The following RNASET2 variants were observed in gnomAD, a reference collection of about 807,000 sequenced individuals.
The protein encoded by RNASET2 is ribonuclease T2, also known as ribonuclease 6.
In RNASET2, 28 loss-of-function variants were observed where a neutral mutation model predicts 33.9. That is an observed-to-expected ratio of 0.83 (90% confidence interval 0.61 to 1.13). RNASET2 has a LOEUF of 1.13. RNASET2 is among the 50% of genes most tolerant of loss of function. The probability of loss-of-function intolerance (pLI) is 0.00; values close to 1 mark genes in which losing one functional copy is unlikely to be tolerated. For synonymous variants in RNASET2, 123 were observed against 121.0 expected, an observed-to-expected ratio of 1.02 and a Z score of -0.11; for missense variants, 330 against 319.9, an observed-to-expected ratio of 1.03 and a Z score of -0.24.
intron 1 of RNASET2, among the ~76,000 whole-genome samples, chr6:166,955,223 GCACACA>G (rs1248839726): frequency 1.3e-4 from 5 of 38,776 alleles, no homozygotes; most frequent in African/African-American, 5.8e-4. Context: ...GCACACACGC[GCACACA>G]CGCACGCACG....
At chr6:166,944,855 C>A (rs899501032) in intron 4 of RNASET2, among the ~76,000 whole-genome samples, 5 of 152,066 alleles carry the variant, frequency 3.3e-5, no homozygotes, top group African/African-American at 1.2e-4. Context: ...AGCACTGTCC[C>A]CTCTGCCCAC....
chr6:166,949,233 G>C (rs1778923407), intron 2 of RNASET2, among the ~76,000 whole-genome samples: 1 of 139,298 alleles, frequency 7.2e-6, no homozygotes, highest in East Asian at 2.1e-4. Context: ...GCTGGGCACA[G>C]TGGCTCACGC....
At position 166,943,072 on chromosome 6, in the gene RNASET2, C is replaced by T; in HGVS notation, c.279G>A (p.Met93Ile). The change falls in exon 5 of 9, where the codon ATG becomes ATA. Residue 93 changes from methionine to isoleucine, a missense_variant. Physicochemically the swap from Met to Ile is conservative, Grantham distance 10. Transcript: ENST00000508775. Reference protein sequence around the residue: ...LEEIKDLLPEMRAYWPDVIHS... With the variant: ...LEEIKDLLPEIRAYWPDVIHS... ...GAATTACGTCAGGCCAGTATGCCCT[C>T]ATTTCTGGCAAAAGATCCTATGCAT... is the stretch of plus-strand genomic sequence containing the variant. 1 of 1,613,260 alleles carries T rather than the reference C, an allele frequency of 6.2e-7. No homozygotes were observed. The highest frequency in any genetic ancestry group is 8.5e-7 in the Non-Finnish European group (1 of 1,179,496).
Position 166,929,299 on chromosome 6 carries a change from C to A in RNASET2, c.*289G>T, listed in dbSNP as rs1380345257. Among the ~76,000 whole-genome samples, 1 of 151,992 alleles carries A rather than the reference C, an allele frequency of 6.6e-6. No homozygotes were observed. The highest frequency in any genetic ancestry group is 6.6e-5 in the Admixed American group (1 of 15,266). On this transcript the variant is annotated 3_prime_UTR_variant, in exon 9 of 9. Transcript: ENST00000508775. ...GAATCGGTGCCATCTGTCTAAATTCCAAGTATGCCTGCCTGATCTACCAGG... is the reference window on the plus strand; with the variant it reads ...GAATCGGTGCCATCTGTCTAAATTCAAAGTATGCCTGCCTGATCTACCAGG...
chr6:166,951,612 C>A (rs538429880), intron 2 of RNASET2, among the ~76,000 whole-genome samples: 2 of 152,360 alleles, frequency 1.3e-5, no homozygotes, highest in Non-Finnish European at 2.9e-5. Flanking sequence ...CACTTCTCAC[C>A]GTGCCCCTTC....
rs1779011555 is a variant in RNASET2 at position 166,952,535 on chromosome 6, A to ACTC, written c.97_99dup (p.Glu33dup). On this transcript the variant is annotated inframe_insertion, in exon 2 of 9. Coordinates refer to ENST00000508775, the MANE Select transcript of RNASET2 (RefSeq NM_003730.6). ...TGCTGAACCATAATTAGTTTTTTCCACTCATGGTTGTCACTGTTAAAACAT... is the reference window on the plus strand; with the variant it reads ...TGCTGAACCATAATTAGTTTTTTCCACTCCTCATGGTTGTCACTGTTAAAACAT... 1.2e-6 allele frequency: 2 copies of ACTC among 1,613,206 alleles called. No individual in the cohort carries two copies. Among genetic ancestry groups the ACTC allele is most frequent in the East Asian group, 4.5e-5 (2 of 44,876 alleles).
intron 2 of RNASET2, among the ~76,000 whole-genome samples, chr6:166,950,839 C>G (rs1778966590): frequency 1.3e-5 from 2 of 152,244 alleles, no homozygotes; most frequent in African/African-American, 4.8e-5. Flanking sequence ...TCTTCACTCA[C>G]AGGACATGTT....
In RNASET2 at chr6:166,923,228, C is replaced by CTTTTTTTATTTTTTTTTT. The variant is rs1778258653; in HGVS notation, c.*6359_*6360insAAAAAAAAAATAAAAAAA. On this transcript the variant is annotated 3_prime_UTR_variant, in exon 9 of 9. Transcript: ENST00000508775. Reference sequence around the variant, plus strand: ...ACAGGCGTGAGCCACCAGGCCCGGCCTTTTTTTTTTTTTTTTTTTTTGAGA... The same window carrying CTTTTTTTATTTTTTTTTT: ...ACAGGCGTGAGCCACCAGGCCCGGCCTTTTTTTATTTTTTTTTTTTTTTTTTTTTTTTTTTTTTTGAGA... Among the ~76,000 whole-genome samples the CTTTTTTTATTTTTTTTTT allele has an allele frequency of 9.7e-6, 1 of 102,672 alleles. No individual in the cohort carries two copies. The allele number at this position is 102,672 out of a possible 152,430, so 67.4% of individuals were successfully genotyped here. A position where few individuals can be genotyped will look rare whatever the true frequency, so the allele number is the denominator to read the frequency against.
intron 3 of RNASET2, among the ~76,000 whole-genome samples, chr6:166,948,212 G>A (rs1018606226): frequency 2.6e-5 from 4 of 152,142 alleles, no homozygotes; most frequent in Admixed American, 1.3e-4. Flanking sequence ...CGGGTGTGGT[G>A]GGGCGTGCCT....
At position 166,929,159 on chromosome 6, in the gene RNASET2, C is replaced by G. The variant is rs1007357454; in HGVS notation, c.*429G>C. Among the ~76,000 whole-genome samples the G allele has an allele frequency of 2.0e-5, 3 of 152,204 alleles. No homozygotes were observed. Among genetic ancestry groups the G allele is most frequent in the Non-Finnish European group, 4.4e-5 (3 of 68,032 alleles). The stretch of plus-strand genomic sequence containing the variant: ...GTCTGAGCTAGAGACACCCCCCAGG[C>G]CCACCAGGCATCAGCGTGGGCTCCT... On this transcript the variant is annotated 3_prime_UTR_variant, in exon 9 of 9. Transcript: ENST00000508775.
rs1401128215 is a variant in RNASET2, at chr6:166,955,203, ACACACGCACG to A, written c.86+884_86+893del. Among the ~76,000 whole-genome samples the A allele has an allele frequency of 2.5e-5, 3 of 120,758 alleles. No homozygotes were observed. The East Asian group carries it at 8.0e-4, about 32-fold the overall frequency. 79.2% of individuals were successfully genotyped at this position (120,758 alleles called of 152,430 possible). A position where few individuals can be genotyped will look rare whatever the true frequency, so the allele number is the denominator to read the frequency against. On this transcript the variant is annotated intron_variant, in intron 1 of 8. Coordinates refer to ENST00000508775, the MANE Select transcript of RNASET2 (RefSeq NM_003730.6). ...CACACACACACGCACACACGCACGC[ACACACGCACG>A]CACACACGCGCACACACGCACGCAC...
chr6:166,933,975 G>T lies in RNASET2; in HGVS notation c.492+116C>A. On this transcript the variant is annotated intron_variant, in intron 7 of 8. Transcript: ENST00000508775. The surrounding 1 kb of genome is among the most constrained non-coding windows in gnomAD (Gnocchi z 4.1). The stretch of plus-strand genomic sequence containing the variant: ...AATCTGTTCACATGATAACATTTAA[G>T]TAGGAAGGGGGTTTGCACTGGGGCA... 1 of 795,804 alleles carries T rather than the reference G, an allele frequency of 1.3e-6. No individual in the cohort carries two copies. The highest frequency in any genetic ancestry group is 2.3e-6 in the Non-Finnish European group (1 of 436,598). 49.3% of individuals were successfully genotyped at this position (795,804 alleles called of 1,614,324 possible).
At chr6:166,956,013 C>T in intron 1 of RNASET2, 84 bp downstream of exon 1, 3 of 1,366,578 alleles carry the variant, frequency 2.2e-6, no homozygotes, top group South Asian at 1.2e-5. Context: ...CGACCGCCGA[C>T]CCCGAGAGCT....
rs990277613 is a variant in RNASET2 at position 166,925,109 on chromosome 6, C to T, written c.*4479G>A. Reference sequence around the variant, plus strand: ...CCTGCCGTCTAGCCCAAAACCGGAACAGCACAGCCCTCACCTCTGCTGCCC... The same window carrying T: ...CCTGCCGTCTAGCCCAAAACCGGAATAGCACAGCCCTCACCTCTGCTGCCC... On this transcript the variant is annotated 3_prime_UTR_variant, in exon 9 of 9. Transcript: ENST00000508775. Among the ~76,000 whole-genome samples, 1 of 148,910 alleles carries T rather than the reference C, an allele frequency of 6.7e-6. No individual in the cohort carries two copies.
rs755793542 is a variant in RNASET2 at position 166,924,856 on chromosome 6, A to C, written c.*4732T>G. 2.0e-5 allele frequency among the ~76,000 whole-genome samples: 3 copies of C among 152,182 alleles called. No homozygotes were observed. The highest frequency in any genetic ancestry group is 4.8e-5 in the African/African-American group (2 of 41,436). On this transcript the variant is annotated 3_prime_UTR_variant, in exon 9 of 9. Transcript: ENST00000508775. ...ACTCTTGGAGTGGGCCCAAGAGGAA[A>C]AGATCCCTGCTTATGGCCATGTCCC...
chr6:166,955,397 GCACACACACACGCGCACA>G (rs1351570190), intron 1 of RNASET2: 7 of 519,634 alleles, frequency 1.3e-5, no homozygotes, highest in Admixed American at 7.3e-5. Context: ...ACACACACGC[GCACACACACACGCGCACA>G]CACACACACA....
At position 166,929,014 on chromosome 6, in the gene RNASET2, A is replaced by G. The variant is rs982866318; in HGVS notation, c.*574T>C. 3.3e-5 allele frequency among the ~76,000 whole-genome samples: 5 copies of G among 152,240 alleles called. No individual in the cohort carries two copies. Among genetic ancestry groups the G allele is most frequent in the Admixed American group, 2.0e-4 (3 of 15,290 alleles). ...CTCTGTGAATACACCCAAATCTCCT[A>G]GGGCAGGAGGGGCAAAGTCACCGTT... On this transcript the variant is annotated 3_prime_UTR_variant, in exon 9 of 9. Transcript: ENST00000508775.
intron 1 of RNASET2, among the ~76,000 whole-genome samples, chr6:166,955,185 ACACG>A (rs1200513422): frequency 6.2e-5 from 7 of 113,402 alleles, no homozygotes; most frequent in Admixed American, 1.7e-4. Flanking sequence ...CCACACACAC[ACACG>A]CACACACGCA....
intron 6 of RNASET2, 136 bp from the exon 7 acceptor site, chr6:166,934,272 A>C: frequency 1.4e-6 from 1 of 696,984 alleles, no homozygotes; most frequent in Non-Finnish European, 2.6e-6. Flanking sequence ...TTATGCAACA[A>C]ATGTGTCAAC....
Sources: allele counts gnomAD v4.1 joint callset (sites outside exome capture counted in the v4.1 genomes callset), GRCh38; gene constraint gnomAD v4.1.1; non-coding constraint Gnocchi (gnomAD v3.1); transcripts MANE v1.5; gene names NCBI Gene and HGNC (gene_info 2026-07-23, HGNC 2026-07-21).